Variants in PPARGC1A observed in about 807,000 individuals in gnomAD.
PPARGC1A encodes the protein PPARG coactivator 1 alpha, also known as peroxisome proliferator-activated receptor gamma coactivator 1-alpha.
In PPARGC1A, 25 loss-of-function variants were observed where a neutral mutation model predicts 88.7. That is an observed-to-expected ratio of 0.28 (90% CI 0.21 to 0.39). PPARGC1A has a LOEUF of 0.39. PPARGC1A is among the 10% of genes least tolerant of loss of function. PPARGC1A has a pLI of 1.00. For missense variants in PPARGC1A, 880 were observed against 968.7 expected, an observed-to-expected ratio of 0.91 and a Z score of 1.22; for synonymous variants, 363 against 355.6, an observed-to-expected ratio of 1.02 and a Z score of -0.24.
the PPARGC1A span, among the ~76,000 whole-genome samples, chr4:24,319,646 C>A: frequency 6.6e-6 from 1 of 152,160 alleles, no homozygotes; most frequent in Admixed American, 6.5e-5. Context: ...CTGTTTTCCC[C>A]AAGTAGCTTA....
the PPARGC1A span, among the ~76,000 whole-genome samples, chr4:24,173,095 G>T: frequency 1.4e-4 from 21 of 152,236 alleles, no homozygotes; most frequent in African/African-American, 5.1e-4. Flanking sequence ...TTCCAAAGTT[G>T]TTACAGGCAT....
At chr4:24,411,994 T>C in the PPARGC1A span, among the ~76,000 whole-genome samples, 41 of 152,210 alleles carry the variant, frequency 2.7e-4, 1 homozygote, top group Non-Finnish European at 8.8e-5. Flanking sequence ...CATTTTTGTG[T>C]GGACATAAGT....
At chr4:23,857,544 T>A (rs951267904) in intron 2 of PPARGC1A, among the ~76,000 whole-genome samples, 4 of 151,806 alleles carry the variant, frequency 2.6e-5, no homozygotes, top group African/African-American at 9.7e-5. Context: ...CACTGTTTAG[T>A]TGGGAACAAG....
At chr4:24,134,479 C>T in the PPARGC1A span, among the ~76,000 whole-genome samples, 5 of 152,204 alleles carry the variant, frequency 3.3e-5, no homozygotes, top group South Asian at 2.1e-4. Flanking sequence ...TTTGCGTGTT[C>T]GCAATGCCAT....
the PPARGC1A span, among the ~76,000 whole-genome samples, chr4:24,212,775 A>G: frequency 6.6e-6 from 1 of 152,230 alleles, no homozygotes; most frequent in African/African-American, 2.4e-5. Context: ...TTAAATAAGC[A>G]CTAAGCACTT....
At chr4:23,872,701 A>C (rs970490164) in intron 2 of PPARGC1A, among the ~76,000 whole-genome samples, 1 of 152,188 alleles carries the variant, frequency 6.6e-6, no homozygotes, top group African/African-American at 2.4e-5. Context: ...GGAGCCAGAG[A>C]CTAGGTTTAC....
the PPARGC1A span, among the ~76,000 whole-genome samples, chr4:23,943,677 AG>A: frequency 1.3e-5 from 2 of 152,226 alleles, no homozygotes; most frequent in Non-Finnish European, 2.9e-5. Flanking sequence ...TATTTCTAAA[AG>A]TACCTTATGA....
the PPARGC1A span, among the ~76,000 whole-genome samples, chr4:24,180,011 T>C: frequency 2.0e-5 from 3 of 152,320 alleles, no homozygotes; most frequent in African/African-American, 7.2e-5. Flanking sequence ...CTCTAGGATG[T>C]ACCATTGTCA....
chr4:23,875,596 T>C (rs1479536367), intron 2 of PPARGC1A, among the ~76,000 whole-genome samples: 1 of 151,980 alleles, frequency 6.6e-6, no homozygotes, highest in East Asian at 1.9e-4. Flanking sequence ...CAGCCCGGAA[T>C]AGCAATTTGC....
At chr4:24,073,453 G>A in the PPARGC1A span, among the ~76,000 whole-genome samples, 1 of 152,180 alleles carries the variant, frequency 6.6e-6, no homozygotes, top group Non-Finnish European at 1.5e-5. Context: ...CACAAGCACT[G>A]TTCTTATTTC....
At chr4:23,888,772 T>C (rs903742779) in intron 1 of PPARGC1A, among the ~76,000 whole-genome samples, 6 of 152,208 alleles carry the variant, frequency 3.9e-5, no homozygotes, top group African/African-American at 1.2e-4. Context: ...TTTAGATGTG[T>C]ATCGCTGCAC....
the PPARGC1A span, among the ~76,000 whole-genome samples, chr4:24,355,734 G>A: frequency 6.6e-5 from 10 of 152,116 alleles, no homozygotes; most frequent in Admixed American, 1.3e-4. Flanking sequence ...CAAACCCGCC[G>A]AGAGACAAGC....
chr4:24,146,391 G>A, the PPARGC1A span, among the ~76,000 whole-genome samples: 2 of 152,206 alleles, frequency 1.3e-5, no homozygotes, highest in Admixed American at 6.5e-5. Flanking sequence ...CATTTTGAAG[G>A]ACTCGGTAAA....
chr4:23,882,519 C>T (rs1200147789), intron 2 of PPARGC1A, among the ~76,000 whole-genome samples: 2 of 152,024 alleles, frequency 1.3e-5, no homozygotes, highest in African/African-American at 2.4e-5. Context: ...AATAAATGCT[C>T]GTAGCATCCC....
chr4:23,951,443 A>G, the PPARGC1A span, among the ~76,000 whole-genome samples: 1 of 152,188 alleles, frequency 6.6e-6, no homozygotes, highest in South Asian at 2.1e-4. Flanking sequence ...AATAGGAGAT[A>G]TAATGCCATG....
the PPARGC1A span, among the ~76,000 whole-genome samples, chr4:24,462,328 C>T: frequency 6.6e-6 from 1 of 151,204 alleles, no homozygotes. Context: ...AACTCCTGAC[C>T]TCAGGTGATC....
the PPARGC1A span, among the ~76,000 whole-genome samples, chr4:24,445,883 C>T: frequency 6.6e-6 from 1 of 152,096 alleles, no homozygotes. Context: ...GCCTGACCAA[C>T]ATGGTGAAAC....
At chr4:23,819,227 G>A (rs758939748) in intron 7 of PPARGC1A, among the ~76,000 whole-genome samples, 2 of 152,046 alleles carry the variant, frequency 1.3e-5, no homozygotes, top group African/African-American at 2.4e-5. Flanking sequence ...ACTTCCCCAG[G>A]ACTCACTGGA....
chr4:23,954,943 A>T, the PPARGC1A span, among the ~76,000 whole-genome samples: 1 of 152,070 alleles, frequency 6.6e-6, no homozygotes, highest in African/African-American at 2.4e-5. Flanking sequence ...TGCTCTTTTC[A>T]CTAAGCATCG....
Sources: allele counts gnomAD v4.1 joint callset (sites outside exome capture counted in the v4.1 genomes callset), GRCh38; gene constraint gnomAD v4.1.1; transcripts MANE v1.5; gene names NCBI Gene and HGNC (gene_info 2026-07-23, HGNC 2026-07-21).